B3GALT1: variants seen among roughly 807,000 people sequenced by gnomAD.
B3GALT1 encodes the protein UDP-Gal:betaGlcNAc beta 1,3-galactosyltransferase, polypeptide 1.
Under a neutral mutation model 23.2 loss-of-function variants are expected in B3GALT1, and 10 were observed. The observed-to-expected ratio is 0.43, with a 90% CI of 0.27 to 0.73. B3GALT1 has a LOEUF of 0.73. B3GALT1 is among the 30% of genes least tolerant of loss of function. The pLI is 0.21. For synonymous variants in B3GALT1, 156 were observed against 141.5 expected (o/e 1.10, Z -0.73); for missense variants, 299 against 405.4 (o/e 0.74, Z 2.25).
In B3GALT1 at chr2:167,559,048, G is replaced by C. The variant is rs567918281; in HGVS notation, c.-410+68771G>C. ...CCATGTCCCCTGAGCAGCCTAACTG[G>C]GAGGCACCCCCCAGCAGGGGCAGAC... On this transcript the variant is annotated intron_variant, in intron 2 of 4. Coordinates refer to ENST00000392690, the MANE Select transcript of B3GALT1 (RefSeq NM_020981.4). Among the ~76,000 whole-genome samples, 107 of 152,300 alleles carry C rather than the reference G, an allele frequency of 7.0e-4. 1 individual carries two copies. The highest frequency in any genetic ancestry group is 2.5e-3 in the African/African-American group (105 of 41,564).
intron 3 of B3GALT1, chr2:167,715,779 A>C: frequency 6.2e-7 from 1 of 1,613,298 alleles, no homozygotes; most frequent in Non-Finnish European, 8.5e-7. Context: ...ATAAGGCTAA[A>C]TTTTTCAAGT....
chr2:167,736,035 T>A (rs556611014), intron 3 of B3GALT1, among the ~76,000 whole-genome samples: 2 of 152,334 alleles, frequency 1.3e-5, no homozygotes, highest in Non-Finnish European at 2.9e-5. Flanking sequence ...ATACCTCTGT[T>A]TTATTGATGA....
At chr2:167,444,943 T>A (rs1002768880) in intron 1 of B3GALT1, among the ~76,000 whole-genome samples, 2 of 152,246 alleles carry the variant, frequency 1.3e-5, no homozygotes, top group Non-Finnish European at 2.9e-5. Context: ...TCTAGTTCTA[T>A]TAATTGTGTT....
chr2:167,328,291 C>T (rs1022190401), intron 1 of B3GALT1, among the ~76,000 whole-genome samples: 6 of 152,094 alleles, frequency 3.9e-5, no homozygotes, highest in Non-Finnish European at 1.5e-5. Flanking sequence ...GTTTAGAGAA[C>T]ACTGGTGTTA....
At chr2:167,864,712 A>C (rs1369456969) in intron 4 of B3GALT1, among the ~76,000 whole-genome samples, 1 of 152,234 alleles carries the variant, frequency 6.6e-6, no homozygotes, top group African/African-American at 2.4e-5. Context: ...GTAGTCACTC[A>C]CTAGCTGTGT....
chr2:167,693,796 C>T (rs1481770875), intron 3 of B3GALT1, among the ~76,000 whole-genome samples: 1 of 152,090 alleles, frequency 6.6e-6, no homozygotes, highest in Non-Finnish European at 1.5e-5. Context: ...TCTGAACCAT[C>T]TCCAACCCTC....
At chr2:167,784,274 G>A (rs1258645439) in intron 3 of B3GALT1, among the ~76,000 whole-genome samples, 1 of 152,180 alleles carries the variant, frequency 6.6e-6, no homozygotes, top group Non-Finnish European at 1.5e-5. Flanking sequence ...CCCCTGCAGA[G>A]TCCTGTGACC....
intron 3 of B3GALT1, among the ~76,000 whole-genome samples, chr2:167,802,132 C>A (rs1362432423): frequency 3.3e-5 from 5 of 152,184 alleles, no homozygotes; most frequent in Non-Finnish European, 7.3e-5. Flanking sequence ...AGACCTGTAG[C>A]CACACTACAA....
At chr2:167,452,652 G>A (rs574093079) in intron 1 of B3GALT1, among the ~76,000 whole-genome samples, 2 of 152,256 alleles carry the variant, frequency 1.3e-5, no homozygotes, top group South Asian at 2.1e-4. Context: ...AAAAGTACAC[G>A]ATGTGAGTCT....
At chr2:167,536,904 A>G (rs527787841) in intron 2 of B3GALT1, among the ~76,000 whole-genome samples, 16 of 151,828 alleles carry the variant, frequency 1.1e-4, no homozygotes, top group Non-Finnish European at 1.9e-4. Context: ...CAACTCCAAC[A>G]CTCTGAAACT....
At chr2:167,450,181 TG>T (rs1310134417) in intron 1 of B3GALT1, among the ~76,000 whole-genome samples, 1 of 152,024 alleles carries the variant, frequency 6.6e-6, no homozygotes, top group African/African-American at 2.4e-5. Context: ...ATTCTTTGAA[TG>T]TCTGAAAGAA....
chr2:167,873,812 G>T lies in B3GALT1; in HGVS notation c.*3792G>T, dbSNP rs904973085. ...TTTGTAGTACTATTTAGGGTTACAT[G>T]GGTTGCCAATCAAGCTGCTAATCAG... On this transcript the variant is annotated 3_prime_UTR_variant, in exon 5 of 5. Transcript: ENST00000392690. 2 of 152,176 alleles carry T rather than the reference G, an allele frequency of 1.3e-5. No homozygotes were observed. Among genetic ancestry groups the T allele is most frequent in the African/African-American group, 4.8e-5 (2 of 41,452 alleles). 9.4% of individuals were successfully genotyped at this position (152,176 alleles called of 1,614,324 possible).
chr2:167,522,319 G>T (rs1246319587), intron 2 of B3GALT1, among the ~76,000 whole-genome samples: 1 of 152,010 alleles, frequency 6.6e-6, no homozygotes. Flanking sequence ...TCATTCATGT[G>T]TGCCTGGGTT....
intron 2 of B3GALT1, among the ~76,000 whole-genome samples, chr2:167,577,650 T>C (rs1010368505): frequency 5.3e-5 from 8 of 151,906 alleles, no homozygotes; most frequent in Non-Finnish European, 1.2e-4. Flanking sequence ...ACTGTACTTC[T>C]TTAAGCTCGA....
intron 1 of B3GALT1, among the ~76,000 whole-genome samples, chr2:167,458,712 T>G (rs1422308425): frequency 6.6e-6 from 1 of 152,188 alleles, no homozygotes; most frequent in African/African-American, 2.4e-5. Flanking sequence ...GCTTATTGAT[T>G]TGTGGCATCT....
chr2:167,725,438 T>G (rs1393837019), intron 3 of B3GALT1, among the ~76,000 whole-genome samples: 1 of 152,234 alleles, frequency 6.6e-6, no homozygotes, highest in African/African-American at 2.4e-5. Flanking sequence ...ATGTTGCATC[T>G]CTGGAAACCC....
At chr2:167,465,722 G>A (rs77063947) in intron 1 of B3GALT1, among the ~76,000 whole-genome samples, 3 of 151,698 alleles carry the variant, frequency 2.0e-5, no homozygotes, top group African/African-American at 7.3e-5. Flanking sequence ...CAAAAAGAAC[G>A]CCAAGAAGCA....
chr2:167,802,935 G>T (rs1027543040), intron 3 of B3GALT1, among the ~76,000 whole-genome samples: 38 of 151,980 alleles, frequency 2.5e-4, no homozygotes, highest in Middle Eastern at 3.4e-3. Flanking sequence ...TATCACAAAG[G>T]TATATATTCA....
chr2:167,755,365 A>C (rs1687799253), intron 3 of B3GALT1, among the ~76,000 whole-genome samples: 1 of 151,576 alleles, frequency 6.6e-6, no homozygotes, highest in South Asian at 2.1e-4. Context: ...CGATTGGTTG[A>C]TGTTGCATTG....
Sources: allele counts gnomAD v4.1 joint callset (sites outside exome capture counted in the v4.1 genomes callset), GRCh38; gene constraint gnomAD v4.1.1; transcripts MANE v1.5; gene names NCBI Gene and HGNC (gene_info 2026-07-23, HGNC 2026-07-21).